GNA15: variants seen among roughly 807,000 people sequenced by gnomAD.
GNA15 encodes guanine nucleotide-binding protein subunit alpha-15.
Under a neutral mutation model 40.1 loss-of-function variants are expected in GNA15, and 23 were observed. The observed-to-expected ratio is 0.57, with a 90% confidence interval of 0.41 to 0.81. GNA15 has a LOEUF of 0.81. Ranked by LOEUF, GNA15 falls within the 40% of genes least tolerant of loss-of-function variation. The pLI is 0.00. For missense variants in GNA15, 522 were observed against 515.8 expected, an observed-to-expected ratio of 1.01 and a Z score of -0.12; for synonymous variants, 226 against 210.4, an observed-to-expected ratio of 1.07 and a Z score of -0.64.
chr19:3,142,346 C>T (rs192682771), intron 1 of GNA15: 11 of 152,212 alleles, frequency 7.2e-5, no homozygotes, highest in East Asian at 1.9e-4. Context: ...GGGGTTCTCA[C>T]GCAGCTCTTC....
intron 6 of GNA15, among the ~76,000 whole-genome samples, chr19:3,158,342 C>T (rs550138117): frequency 8.6e-5 from 13 of 152,024 alleles, no homozygotes; most frequent in Middle Eastern, 3.4e-3. Flanking sequence ...TACGAAAAGA[C>T]GGGATTTCAC....
chr19:3,136,199 C>T lies in GNA15; in HGVS notation c.-252C>T, dbSNP rs1485131251. On this transcript the variant is annotated 5_prime_UTR_variant, in exon 1 of 7. Transcript: ENST00000262958. This position sits in a 1 kb window ranked among gnomAD's most constrained non-coding sequence, Gnocchi z 4.9. ...AGCAGGTCTGGAGGTGGGCGGGGAGCCCTGGCCTCCCCACCTCCTCCCGTC... is the reference window on the plus strand; with the variant it reads ...AGCAGGTCTGGAGGTGGGCGGGGAGTCCTGGCCTCCCCACCTCCTCCCGTC... The T allele has an allele frequency of 6.7e-6, 3 of 447,100 alleles. No individual in the cohort carries two copies. Among genetic ancestry groups the T allele is most frequent in the Non-Finnish European group, 1.2e-5 (3 of 247,290 alleles). 27.7% of individuals were successfully genotyped at this position (447,100 alleles called of 1,614,324 possible).
At chr19:3,149,298 CACAA>C (rs957565480) in intron 2 of GNA15, 29 of 161,976 alleles carry the variant, frequency 1.8e-4, no homozygotes, top group Admixed American at 1.4e-3. Flanking sequence ...CATGCACATA[CACAA>C]ACACACACAA....
At chr19:3,138,766 G>A (rs1914510906) in intron 1 of GNA15, among the ~76,000 whole-genome samples, 1 of 150,326 alleles carries the variant, frequency 6.7e-6, no homozygotes, top group Non-Finnish European at 1.5e-5. Flanking sequence ...GAGTAGCTGG[G>A]ATTATAGGCA....
intron 1 of GNA15, chr19:3,146,637 C>G (rs536380889): frequency 1.3e-5 from 2 of 152,748 alleles, no homozygotes. Context: ...TATGTCCTCT[C>G]CTCTCCAGCT....
intron 3 of GNA15, among the ~76,000 whole-genome samples, chr19:3,150,943 C>G (rs942018328): frequency 6.6e-6 from 1 of 151,080 alleles, no homozygotes; most frequent in Non-Finnish European, 1.5e-5. Context: ...CTGGGGGATC[C>G]TGTTCTGGCG....
chr19:3,160,658 A>G (rs1200834392), intron 6 of GNA15, among the ~76,000 whole-genome samples: 1 of 152,176 alleles, frequency 6.6e-6, no homozygotes, highest in Non-Finnish European at 1.5e-5. Flanking sequence ...GTAACAAAGT[A>G]CCACAAACTG....
In GNA15 at chr19:3,150,301, G is replaced by GC. The variant is rs745858909; in HGVS notation, c.485+17dup. ...CAGCCGTGTAGTGAGTCTGGGGTCT[G>GC]CGGGGGATGGGCGCGTGGGGAGGGG... is the stretch of plus-strand genomic sequence containing the variant. On this transcript the variant is annotated intron_variant, in intron 3 of 6. Transcript: ENST00000262958. The GC allele has an allele frequency of 6.5e-7, 1 of 1,542,246 alleles. No homozygotes were observed. Among genetic ancestry groups the GC allele is most frequent in the Non-Finnish European group, 8.7e-7 (1 of 1,144,464 alleles).
chr19:3,136,492 G>A lies in GNA15; in HGVS notation c.42G>A (p.Leu14=). 6.4e-7 allele frequency: 1 copy of A among 1,556,798 alleles called. No homozygotes were observed. The highest frequency in any genetic ancestry group is 1.9e-5 in the Admixed American group (1 of 51,710). ...CCTGGCGCTGCTGCCCCTGGTGCCT[G>A]ACGGAGGATGAGAAGGCCGCCGCCC... ...SLTWRCCPWC[L]TEDEKAAARV... is the part of the protein sequence containing the mutation. The change falls in exon 1 of 7, where the codon CTG becomes CTA. Residue 14 remains leucine, a synonymous_variant. Coordinates refer to ENST00000262958, the MANE Select transcript of GNA15 (RefSeq NM_002068.4). The surrounding 1 kb of genome is among the most constrained non-coding windows in gnomAD (Gnocchi z 4.9).
intron 2 of GNA15, 66 bp downstream of exon 2, chr19:3,148,841 C>CGGAGCG: frequency 6.9e-7 from 1 of 1,453,380 alleles, no homozygotes; most frequent in Non-Finnish European, 9.2e-7. Flanking sequence ...CCCCAGACCC[C>CGGAGCG]GGAGCAGGGC....
chr19:3,161,363 A>G (rs1209006302), intron 6 of GNA15, among the ~76,000 whole-genome samples: 1 of 152,212 alleles, frequency 6.6e-6, no homozygotes, highest in African/African-American at 2.4e-5. Flanking sequence ...TCACCTCAAT[A>G]TACAAGCAAC....
rs1004919530 is a variant in GNA15 at position 3,163,534 on chromosome 19, G to C, written c.*515G>C. On this transcript the variant is annotated 3_prime_UTR_variant, in exon 7 of 7. Transcript: ENST00000262958. ...GTGCAGGGACTTCCCTTTGCAAGGG[G>C]TAACAGACCGCTGGAAAACACTGTC... 1 of 155,916 alleles carries C rather than the reference G, an allele frequency of 6.4e-6. No homozygotes were observed. The highest frequency in any genetic ancestry group is 1.4e-5 in the Non-Finnish European group (1 of 70,276). The allele number at this position is 155,916 out of a possible 1,614,324, so 9.7% of individuals were successfully genotyped here. A position where few individuals can be genotyped will look rare whatever the true frequency, so the allele number is the denominator to read the frequency against.
At chr19:3,150,321 G>T (rs1914850121) in intron 3 of GNA15, 36 bp downstream of exon 3, 1 of 1,501,072 alleles carries the variant, frequency 6.7e-7, no homozygotes, top group Admixed American at 2.0e-5. Flanking sequence ...GGCGCGTGGG[G>T]AGGGGCTGAG....
intron 2 of GNA15, chr19:3,149,880 G>T: frequency 2.3e-6 from 1 of 430,204 alleles, no homozygotes; most frequent in Non-Finnish European, 4.2e-6. Context: ...CCTGAGCCTG[G>T]GCTCGCCCGA....
chr19:3,163,027 C>T lies in GNA15; in HGVS notation c.*8C>T, dbSNP rs542403566. The T allele has an allele frequency of 5.7e-6, 9 of 1,590,986 alleles. No homozygotes were observed. The South Asian group carries it at 7.7e-5, about 14-fold the overall frequency. On this transcript the variant is annotated 3_prime_UTR_variant, in exon 7 of 7. Transcript: ENST00000262958. ...GAGATCAACCTGCTGTGACCCAGGC[C>T]CCACCTGGGGCAGGCGGCACCGGCG...
chr19:3,139,826 G>A (rs1334346999), intron 1 of GNA15, among the ~76,000 whole-genome samples: 1 of 151,714 alleles, frequency 6.6e-6, no homozygotes, highest in Non-Finnish European at 1.5e-5. Context: ...ACGAGGTCAG[G>A]AGATGGAGAC....
intron 2 of GNA15, chr19:3,149,577 C>T: frequency 6.4e-6 from 1 of 156,978 alleles, no homozygotes; most frequent in East Asian, 1.9e-4. Context: ...CACACACGAG[C>T]ACGCTTGTAC....
chr19:3,138,533 G>T (rs548531104), intron 1 of GNA15, among the ~76,000 whole-genome samples: 1 of 152,226 alleles, frequency 6.6e-6, no homozygotes, highest in Non-Finnish European at 1.5e-5. Context: ...GGAAGAGGCC[G>T]CCCGAGAGGA....
At chr19:3,147,145 G>A (rs756333517) in intron 1 of GNA15, among the ~76,000 whole-genome samples, 6 of 152,030 alleles carry the variant, frequency 3.9e-5, no homozygotes, top group Non-Finnish European at 7.4e-5. Flanking sequence ...CGTGGCTATC[G>A]TAGTCACCTA....
Sources: gnomAD v4.1 joint callset for allele counts (sites outside exome capture counted in the v4.1 genomes callset) on GRCh38, gnomAD v4.1.1 for gene constraint, Gnocchi (gnomAD v3.1) non-coding constraint, MANE v1.5 for transcripts, NCBI Gene and HGNC (gene_info 2026-07-23, HGNC 2026-07-21) for gene names.